COX16: variants seen among roughly 807,000 people sequenced by gnomAD.
COX16 encodes the protein cytochrome c oxidase assembly factor COX16.
Under a neutral mutation model 15.4 loss-of-function variants are expected in COX16, and 12 were observed. The ratio of observed to expected loss-of-function variants is 0.78; its 90% CI spans 0.50 to 1.26. The LOEUF (loss-of-function observed/expected upper bound fraction) is 1.26, where lower values mean the gene tolerates loss of function less well. Ranked by LOEUF, COX16 falls within the 50% of genes most tolerant of loss-of-function variation. The probability of loss-of-function intolerance (pLI) is 0.00; values close to 1 mark genes in which losing one functional copy is unlikely to be tolerated. For synonymous variants in COX16, 46 were observed against 41.1 expected (o/e 1.12, Z -0.46); for missense variants, 124 against 127.6 (o/e 0.97, Z 0.14).
intron 1 of COX16, among the ~76,000 whole-genome samples, chr14:70,351,096 G>C (rs1032668137): frequency 6.6e-6 from 1 of 152,210 alleles, no homozygotes; most frequent in African/African-American, 2.4e-5. Context: ...GGGGATGAAA[G>C]GGGTAGGGAG....
intron 2 of COX16, among the ~76,000 whole-genome samples, chr14:70,335,393 TAC>T (rs1278712869): frequency 6.6e-6 from 1 of 152,184 alleles, no homozygotes. Context: ...TGCTGCAGAA[TAC>T]ACTTTTTCTC....
chr14:70,357,966 A>G (rs7150588), intron 1 of COX16, among the ~76,000 whole-genome samples: 1 of 152,262 alleles, frequency 6.6e-6, no homozygotes, highest in Non-Finnish European at 1.5e-5. Context: ...AGCATTATTC[A>G]TAATAGTCAA....
At chr14:70,328,098 G>A (rs1410432705) in intron 3 of COX16, 1 of 15,940 alleles carries the variant, frequency 6.3e-5, no homozygotes, top group Non-Finnish European at 1.2e-4. Context: ...TTTTTTTTTT[G>A]AGACGGAGTC....
chr14:70,332,476 G>A (rs1405952899), intron 2 of COX16, among the ~76,000 whole-genome samples: 3 of 152,110 alleles, frequency 2.0e-5, no homozygotes, highest in Non-Finnish European at 4.4e-5. Flanking sequence ...CTAGCCTCCA[G>A]GCCACAGCAG....
intron 2 of COX16, among the ~76,000 whole-genome samples, chr14:70,334,732 C>G (rs981929504): frequency 1.3e-5 from 2 of 151,778 alleles, no homozygotes; most frequent in Non-Finnish European, 2.9e-5. Context: ...TAAAAAGCAA[C>G]AAGTTAAAAT....
At chr14:70,330,859 G>GA (rs1206352910) in intron 2 of COX16, among the ~76,000 whole-genome samples, 5 of 151,718 alleles carry the variant, frequency 3.3e-5, no homozygotes, top group African/African-American at 9.7e-5. Context: ...TACAAAAAAA[G>GA]AAAAAAATCA....
intron 1 of COX16, among the ~76,000 whole-genome samples, chr14:70,356,631 A>G (rs1032874499): frequency 1.2e-4 from 19 of 152,206 alleles, no homozygotes; most frequent in African/African-American, 4.6e-4. Context: ...AAATACTTCA[A>G]ACAACAACAG....
intron 2 of COX16, among the ~76,000 whole-genome samples, chr14:70,332,437 C>T (rs986765584): frequency 2.0e-5 from 3 of 152,198 alleles, no homozygotes; most frequent in African/African-American, 7.2e-5. Context: ...GAGACAAGTG[C>T]CCCACTTGAG....
intron 2 of COX16, among the ~76,000 whole-genome samples, chr14:70,336,112 C>T (rs935799703): frequency 3.9e-5 from 6 of 152,006 alleles, no homozygotes; most frequent in Admixed American, 1.3e-4. Flanking sequence ...AAAAATTAGC[C>T]GGGCGTGGTA....
At chr14:70,346,354 G>A (rs1024271546) in intron 1 of COX16, among the ~76,000 whole-genome samples, 2 of 152,372 alleles carry the variant, frequency 1.3e-5, no homozygotes, top group African/African-American at 4.8e-5. Context: ...CGGGTCCGCA[G>A]CTCCACACGG....
chr14:70,326,757 T>C (rs1886092148), intron 3 of COX16, among the ~76,000 whole-genome samples: 2 of 152,042 alleles, frequency 1.3e-5, no homozygotes. Flanking sequence ...AAAACAAAAG[T>C]ACAAATCTGA....
chr14:70,332,364 C>T (rs1248222599), intron 2 of COX16, among the ~76,000 whole-genome samples: 1 of 152,022 alleles, frequency 6.6e-6, no homozygotes, highest in Non-Finnish European at 1.5e-5. Context: ...GGGGGCCCAG[C>T]GTCAGCTGCA....
intron 1 of COX16, chr14:70,359,105 C>T (rs1433334498): frequency 2.3e-6 from 1 of 443,300 alleles, no homozygotes; most frequent in African/African-American, 2.0e-5. Flanking sequence ...CCCAATGATC[C>T]ACAGTATCGT....
intron 1 of COX16, among the ~76,000 whole-genome samples, chr14:70,352,561 G>T: frequency 7.1e-6 from 1 of 140,808 alleles, no homozygotes. Context: ...TTATATATAT[G>T]TAAACATAAT....
Position 70,352,633 on chromosome 14 carries a change from TTC to T in COX16, c.69+6884_69+6885del, listed in dbSNP as rs1485548578. On this transcript the variant is annotated intron_variant, in intron 1 of 3. Coordinates refer to ENST00000389912, the MANE Select transcript of COX16 (RefSeq NM_016468.7). ...CATACATTTTCTAACACAAATATAT[TTC>T]TTTTTTTTTCTTTTTTTTTTTTTTT... Among the ~76,000 whole-genome samples, 3 of 129,228 alleles carry T rather than the reference TTC, an allele frequency of 2.3e-5. No individual in the cohort carries two copies. The Admixed American group carries it at 2.8e-4, about 12-fold the overall frequency. The allele number at this position is 129,228 out of a possible 152,430, so 84.8% of individuals were successfully genotyped here.
chr14:70,338,058 C>T (rs1173604696), intron 2 of COX16, among the ~76,000 whole-genome samples: 1 of 152,210 alleles, frequency 6.6e-6, no homozygotes, highest in Non-Finnish European at 1.5e-5. Context: ...TTTGGTTTTA[C>T]ATTTTCTGTG....
intron 2 of COX16, among the ~76,000 whole-genome samples, chr14:70,341,790 T>C (rs546492644): frequency 3.9e-5 from 6 of 152,306 alleles, no homozygotes; most frequent in African/African-American, 1.2e-4. Context: ...TTTTTACTTA[T>C]GATATTTTCA....
At chr14:70,330,085 G>T (rs939528363) in intron 2 of COX16, among the ~76,000 whole-genome samples, 1 of 152,036 alleles carries the variant, frequency 6.6e-6, no homozygotes, top group African/African-American at 2.4e-5. Context: ...TGAGTCCTCA[G>T]ACTGAAAGAA....
In COX16 at chr14:70,342,712, A is replaced by ACCT; in HGVS notation, c.84_86dup (p.Gly29dup). 1.9e-6 allele frequency: 3 copies of ACCT among 1,613,026 alleles called. No individual in the cohort carries two copies. The highest frequency in any genetic ancestry group is 2.5e-6 in the Non-Finnish European group (3 of 1,179,724). On this transcript the variant is annotated inframe_insertion, in exon 2 of 4. Transcript: ENST00000389912. ...GAGAAAACTCACGAAGACCAAAAGA[A>ACCT]CCTCCAACAATCAGCAACTAAAACA...
Sources: gnomAD v4.1 joint callset for allele counts (sites outside exome capture counted in the v4.1 genomes callset) on GRCh38, gnomAD v4.1.1 for gene constraint, MANE v1.5 for transcripts, NCBI Gene and HGNC (gene_info 2026-07-23, HGNC 2026-07-21) for gene names.